UGT1A10: variants seen among roughly 807,000 people sequenced by gnomAD.
UGT1A10 encodes the protein UDP glucuronosyltransferase family 1 member A10.
In UGT1A10, 49 loss-of-function variants were observed where a neutral mutation model predicts 45.8. That is an observed-to-expected ratio of 1.07 (90% CI 0.85 to 1.36). The LOEUF (loss-of-function observed/expected upper bound fraction) is 1.36, where lower values mean the gene tolerates loss of function less well. UGT1A10 is among the 40% of genes most tolerant of loss of function. UGT1A10 has a pLI of 0.00. For synonymous variants in UGT1A10, 284 were observed against 249.7 expected (o/e 1.14, Z -1.29); for missense variants, 745 against 668.6 (o/e 1.11, Z -1.26).
chr2:233,719,074 C>T, intron 1 of UGT1A10: 1 of 1,614,224 alleles, frequency 6.2e-7, no homozygotes, highest in Non-Finnish European at 8.5e-7. Flanking sequence ...GTTCCATGGA[C>T]CCAGAAGGAA....
chr2:233,729,699 C>A lies in UGT1A10; in HGVS notation c.856-37335C>A, dbSNP rs184386098. On this transcript the variant is annotated intron_variant, in intron 1 of 4. Coordinates refer to ENST00000344644, the MANE Select transcript of UGT1A10 (RefSeq NM_019075.4). Reference sequence around the variant, plus strand: ...AGGGCACACAGTGTCCAAACCCTTCCTCCTATATTCCTAGATTACTAACAA... The same window carrying A: ...AGGGCACACAGTGTCCAAACCCTTCATCCTATATTCCTAGATTACTAACAA... 39 of 1,613,944 alleles carry A rather than the reference C, an allele frequency of 2.4e-5. No homozygotes were observed. The East Asian group carries it at 8.7e-4, about 36-fold the overall frequency.
intron 1 of UGT1A10, among the ~76,000 whole-genome samples, chr2:233,731,894 C>G (rs1470586397): frequency 6.6e-6 from 1 of 152,238 alleles, no homozygotes; most frequent in Non-Finnish European, 1.5e-5. Context: ...AATTTACACT[C>G]CCACCAATGG....
At chr2:233,731,543 TC>T (rs2078176266) in intron 1 of UGT1A10, among the ~76,000 whole-genome samples, 2 of 152,228 alleles carry the variant, frequency 1.3e-5, no homozygotes, top group South Asian at 4.1e-4. Context: ...TGTTTGGTTT[TC>T]TGTCCATGTG....
At chr2:233,662,371 T>C (rs1409418484) in intron 1 of UGT1A10, among the ~76,000 whole-genome samples, 1 of 152,212 alleles carries the variant, frequency 6.6e-6, no homozygotes, top group Non-Finnish European at 1.5e-5. Flanking sequence ...CAAATCTCCA[T>C]AACATTTTCT....
At chr2:233,701,218 C>A (rs1237228393) in intron 1 of UGT1A10, among the ~76,000 whole-genome samples, 1 of 152,080 alleles carries the variant, frequency 6.6e-6, no homozygotes, top group Non-Finnish European at 1.5e-5. Flanking sequence ...TATTTATAAT[C>A]CTTTGGGTAT....
rs753963758 is a variant in UGT1A10 at position 233,707,538 on chromosome 2, C to CT, written c.856-59482dup. 8.4e-3 allele frequency among the ~76,000 whole-genome samples: 1,063 copies of CT among 126,950 alleles called. 7 individuals carry two copies. The highest frequency in any genetic ancestry group is 0.021 in the African/African-American group (741 of 34,780). The allele number at this position is 126,950 out of a possible 152,430, so 83.3% of individuals were successfully genotyped here. A position where few individuals can be genotyped will look rare whatever the true frequency, so the allele number is the denominator to read the frequency against. ...ATTTTACTGTTTTTCTTTGTCTTGC[C>CT]TTTTTTTTTTTTTTGGTTCAACCTT... On this transcript the variant is annotated intron_variant, in intron 1 of 4. Transcript: ENST00000344644.
chr2:233,660,555 C>A (rs1575407644), intron 1 of UGT1A10, among the ~76,000 whole-genome samples: 1 of 152,264 alleles, frequency 6.6e-6, no homozygotes, highest in East Asian at 1.9e-4. Context: ...TGTTCTACAA[C>A]AAAAAGACTG....
chr2:233,752,059 C>T lies in UGT1A10; in HGVS notation c.856-14975C>T, dbSNP rs190441645. ...GTAAGCTGTTGTGTGAATGATTTCC[C>T]GAGATGGGGAAGTCTCTCTACCTGT... On this transcript the variant is annotated intron_variant, in intron 1 of 4. Transcript: ENST00000344644. 8.5e-5 allele frequency among the ~76,000 whole-genome samples: 13 copies of T among 152,200 alleles called. No homozygotes were observed. In the East Asian group the frequency reaches 9.6e-4, roughly 11 times the overall value.
intron 1 of UGT1A10, among the ~76,000 whole-genome samples, chr2:233,707,726 C>T (rs1259852102): frequency 6.6e-6 from 1 of 152,168 alleles, no homozygotes; most frequent in Non-Finnish European, 1.5e-5. Flanking sequence ...AACAATGTTA[C>T]AACGAACATT....
rs61261057 is a variant in UGT1A10 at position 233,682,280 on chromosome 2, G to A, written c.855+44903G>A. 1.0e-3 allele frequency: 1,651 copies of A among 1,614,068 alleles called. 19 individuals carry two copies. The African/African-American group carries it at 0.02, about 19-fold the overall frequency. ...TTCTCTATTAACAAGTTCATCCAAT[G>A]GTATTTTTGACTTATTTTTTTCAAA... On this transcript the variant is annotated intron_variant, in intron 1 of 4. Coordinates refer to ENST00000344644, the MANE Select transcript of UGT1A10 (RefSeq NM_019075.4).
intron 1 of UGT1A10, among the ~76,000 whole-genome samples, chr2:233,675,316 A>G (rs1324274633): frequency 1.3e-5 from 2 of 152,172 alleles, no homozygotes; most frequent in Non-Finnish European, 2.9e-5. Context: ...GTGTGTGTTG[A>G]TTAATGATGT....
intron 1 of UGT1A10, among the ~76,000 whole-genome samples, chr2:233,678,091 T>A (rs2074408425): frequency 6.6e-6 from 1 of 152,196 alleles, no homozygotes; most frequent in Non-Finnish European, 1.5e-5. Context: ...ACCATTGTTT[T>A]CACTTAGAAA....
At chr2:233,758,572 TGAA>T (rs1353385899) in intron 1 of UGT1A10, among the ~76,000 whole-genome samples, 1 of 152,298 alleles carries the variant, frequency 6.6e-6, no homozygotes, top group East Asian at 1.9e-4. Flanking sequence ...TCCTAAAAAA[TGAA>T]GAGTGTTTGG....
chr2:233,680,437 A>C (rs1169145229), intron 1 of UGT1A10, among the ~76,000 whole-genome samples: 2 of 152,190 alleles, frequency 1.3e-5, no homozygotes, highest in Non-Finnish European at 2.9e-5. Flanking sequence ...TATGTACTAG[A>C]GGAAAGTGAC....
At chr2:233,751,910 A>T (rs1006806920) in intron 1 of UGT1A10, among the ~76,000 whole-genome samples, 1 of 152,180 alleles carries the variant, frequency 6.6e-6, no homozygotes. Flanking sequence ...AGAACAGACT[A>T]ATACAAGATT....
chr2:233,638,873 C>T (rs1007234915), intron 1 of UGT1A10, among the ~76,000 whole-genome samples: 2 of 152,224 alleles, frequency 1.3e-5, no homozygotes, highest in African/African-American at 4.8e-5. Context: ...GCATGACTTT[C>T]AGCTCATGGC....
intron 1 of UGT1A10, among the ~76,000 whole-genome samples, chr2:233,640,423 C>T (rs796075766): frequency 4.6e-5 from 7 of 152,100 alleles, no homozygotes; most frequent in Admixed American, 2.0e-4. Context: ...ATTTGTTACA[C>T]GGCCACAATA....
rs768192355 is a variant in UGT1A10 at position 233,659,833 on chromosome 2, C to A, written c.855+22456C>A. Among the ~76,000 whole-genome samples the A allele has an allele frequency of 2.0e-5, 3 of 152,196 alleles. No individual in the cohort carries two copies. The East Asian group carries it at 5.8e-4, about 29-fold the overall frequency. ...GAAGTCAAAAGCAGTCTTCAATAAT[C>A]GGAATCCTTCTGCGAGATTGTCTAA... On this transcript the variant is annotated intron_variant, in intron 1 of 4. Coordinates refer to ENST00000344644, the MANE Select transcript of UGT1A10 (RefSeq NM_019075.4).
chr2:233,693,012 G>T, intron 1 of UGT1A10: 1 of 1,614,130 alleles, frequency 6.2e-7, no homozygotes, highest in Non-Finnish European at 8.5e-7. Context: ...AGGATGGCCT[G>T]CCTCCTTCGC....
Sources: allele counts gnomAD v4.1 joint callset (sites outside exome capture counted in the v4.1 genomes callset), GRCh38; gene constraint gnomAD v4.1.1; transcripts MANE v1.5; gene names NCBI Gene and HGNC (gene_info 2026-07-23, HGNC 2026-07-21).